The following NKAIN3 variants were observed in gnomAD, a reference collection of about 807,000 sequenced individuals.
NKAIN3 encodes sodium/potassium transporting ATPase interacting 3, also known as sodium/potassium-transporting ATPase subunit beta-1-interacting protein 3.
NKAIN3 carries 25 observed loss-of-function variants against 30.2 expected under a neutral mutation model. The ratio of observed to expected loss-of-function variants is 0.83; its 90% confidence interval spans 0.60 to 1.16. The LOEUF (loss-of-function observed/expected upper bound fraction) is 1.16, where lower values mean the gene tolerates loss of function less well. Among genes scored for constraint, NKAIN3 ranks in the 50% most tolerant of loss-of-function variants. The probability of loss-of-function intolerance (pLI) is 0.00; values close to 1 mark genes in which losing one functional copy is unlikely to be tolerated. For synonymous variants in NKAIN3, 91 were observed against 89.6 expected (o/e 1.02, Z -0.09); for missense variants, 225 against 254.1 (o/e 0.89, Z 0.78).
At chr8:62,431,584 A>G (rs1418159503) in intron 1 of NKAIN3, among the ~76,000 whole-genome samples, 1 of 151,898 alleles carries the variant, frequency 6.6e-6, no homozygotes, top group Non-Finnish European at 1.5e-5. Flanking sequence ...GAATAGAATT[A>G]AACTTTAACA....
rs555713540 is a variant in NKAIN3, at chr8:62,929,464, C to T, written c.532+10951C>T. Among the ~76,000 whole-genome samples, 303 of 152,220 alleles carry T rather than the reference C, an allele frequency of 2.0e-3. 2 individuals carry two copies. The highest frequency in any genetic ancestry group is 6.6e-3 in the African/African-American group (275 of 41,542). ...TTGGAAAAGTAAATTAAATCTGTTT[C>T]TTTTTTACTTAAGGAAAACAAACAC... On this transcript the variant is annotated intron_variant, in intron 5 of 6. Coordinates refer to ENST00000623646, the MANE Select transcript of NKAIN3 (RefSeq NM_001304533.3).
intron 1 of NKAIN3, among the ~76,000 whole-genome samples, chr8:62,549,285 C>T (rs199561539): frequency 3.8e-4 from 58 of 152,188 alleles, no homozygotes; most frequent in Admixed American, 5.2e-4. Context: ...TATAGCAAAA[C>T]GCTCACATCT....
intron 4 of NKAIN3, among the ~76,000 whole-genome samples, chr8:62,911,203 C>T (rs371583053): frequency 2.6e-5 from 4 of 152,168 alleles, no homozygotes; most frequent in East Asian, 3.9e-4. Flanking sequence ...AAATAATATT[C>T]GTTGTGGCAT....
At chr8:62,715,808 A>G (rs1814882125) in intron 3 of NKAIN3, among the ~76,000 whole-genome samples, 2 of 152,158 alleles carry the variant, frequency 1.3e-5, no homozygotes, top group Admixed American at 1.3e-4. Context: ...TAATAGGTTT[A>G]CCCTTAGACC....
At chr8:62,534,777 T>A (rs1808600528) in intron 1 of NKAIN3, among the ~76,000 whole-genome samples, 1 of 152,152 alleles carries the variant, frequency 6.6e-6, no homozygotes, top group South Asian at 2.1e-4. Context: ...AGCAGAGACC[T>A]CTACTTCTCC....
At chr8:62,253,769 G>A (rs114674889) in intron 1 of NKAIN3, among the ~76,000 whole-genome samples, 204 of 152,282 alleles carry the variant, frequency 1.3e-3, no homozygotes, top group African/African-American at 4.2e-3. Context: ...GGGGGGTGGT[G>A]TAGCTGTGGT....
intron 3 of NKAIN3, among the ~76,000 whole-genome samples, chr8:62,670,600 A>G (rs968118178): frequency 5.3e-5 from 7 of 133,276 alleles, no homozygotes; most frequent in African/African-American, 2.3e-4. Context: ...AATAGGCCCC[A>G]GTTTTCTTTT....
chr8:62,773,634 G>T (rs1001365733), intron 4 of NKAIN3, among the ~76,000 whole-genome samples: 1 of 152,070 alleles, frequency 6.6e-6, no homozygotes, highest in Admixed American at 6.6e-5. Flanking sequence ...TTCCTGTGCT[G>T]TTCTCATGAT....
At position 62,884,509 on chromosome 8, in the gene NKAIN3, G is replaced by A. The variant is rs146281016; in HGVS notation, c.472-33944G>A. 6.9e-3 allele frequency among the ~76,000 whole-genome samples: 1,052 copies of A among 152,186 alleles called. 10 individuals are homozygous for A. Among genetic ancestry groups the A allele is most frequent in the African/African-American group, 0.017 (703 of 41,514 alleles). On this transcript the variant is annotated intron_variant, in intron 4 of 6. Coordinates refer to ENST00000623646, the MANE Select transcript of NKAIN3 (RefSeq NM_001304533.3). ...CGACCTCAAGTGATCTGCCCACCTCGGCCTCCCAAAGTGCTGGGATTACAG... is the reference window on the plus strand; with the variant it reads ...CGACCTCAAGTGATCTGCCCACCTCAGCCTCCCAAAGTGCTGGGATTACAG...
chr8:62,754,448 G>C (rs1816386385), intron 4 of NKAIN3, among the ~76,000 whole-genome samples: 1 of 151,830 alleles, frequency 6.6e-6, no homozygotes, highest in South Asian at 2.1e-4. Context: ...TCCAAACTTG[G>C]AAAAGAGTTT....
intron 1 of NKAIN3, among the ~76,000 whole-genome samples, chr8:62,488,347 C>T (rs1183087983): frequency 6.6e-6 from 1 of 152,128 alleles, no homozygotes; most frequent in Non-Finnish European, 1.5e-5. Context: ...CTAATTCTGG[C>T]CTATCCATCA....
intron 1 of NKAIN3, among the ~76,000 whole-genome samples, chr8:62,401,038 TACATC>T (rs1803850499): frequency 6.6e-6 from 1 of 151,614 alleles, no homozygotes; most frequent in Non-Finnish European, 1.5e-5. Context: ...TCTCTCTCTC[TACATC>T]CTCTTTAAGG....
intron 1 of NKAIN3, among the ~76,000 whole-genome samples, chr8:62,325,464 A>G (rs1165610495): frequency 6.6e-6 from 1 of 151,998 alleles, no homozygotes; most frequent in Admixed American, 6.6e-5. Context: ...TGTCCTTTAC[A>G]TGTAATGGCT....
chr8:62,451,732 C>T (rs1338706201), intron 1 of NKAIN3, among the ~76,000 whole-genome samples: 1 of 152,040 alleles, frequency 6.6e-6, no homozygotes, highest in Non-Finnish European at 1.5e-5. Context: ...TCTTGATTTG[C>T]ATACTTTATG....
chr8:62,696,174 A>G (rs1814148963), intron 3 of NKAIN3, among the ~76,000 whole-genome samples: 1 of 152,176 alleles, frequency 6.6e-6, no homozygotes, highest in South Asian at 2.1e-4. Flanking sequence ...TGTCTGAAGT[A>G]TATTTTTCAA....
chr8:62,471,252 G>C (rs1208285152), intron 1 of NKAIN3, among the ~76,000 whole-genome samples: 1 of 151,956 alleles, frequency 6.6e-6, no homozygotes, highest in Non-Finnish European at 1.5e-5. Flanking sequence ...GGGGAGGGCG[G>C]GTTAAAGGAT....
At chr8:62,605,816 G>A (rs1811108078) in intron 3 of NKAIN3, among the ~76,000 whole-genome samples, 1 of 151,952 alleles carries the variant, frequency 6.6e-6, no homozygotes, top group African/African-American at 2.4e-5. Flanking sequence ...AGGGGGCCTG[G>A]AATCAATGCC....
intron 1 of NKAIN3, among the ~76,000 whole-genome samples, chr8:62,534,171 G>T (rs966915452): frequency 6.6e-6 from 1 of 152,094 alleles, no homozygotes; most frequent in Non-Finnish European, 1.5e-5. Flanking sequence ...CTCTGCCCCC[G>T]GCTAGGCTTG....
At chr8:62,900,917 C>T (rs1821595333) in intron 4 of NKAIN3, among the ~76,000 whole-genome samples, 1 of 152,120 alleles carries the variant, frequency 6.6e-6, no homozygotes, top group Non-Finnish European at 1.5e-5. Context: ...TGAAACCCAT[C>T]CTGAGACCTG....
Sources: gnomAD v4.1 joint callset for allele counts (sites outside exome capture counted in the v4.1 genomes callset) on GRCh38, gnomAD v4.1.1 for gene constraint, MANE v1.5 for transcripts, NCBI Gene and HGNC (gene_info 2026-07-23, HGNC 2026-07-21) for gene names.